Variants in PRUNE2 observed in about 807,000 individuals in gnomAD.
The protein encoded by PRUNE2 is prune homolog 2 with BCH domain.
PRUNE2 carries 164 observed loss-of-function variants against 252.0 expected under a neutral mutation model. That is an observed-to-expected ratio of 0.65 (90% CI 0.57 to 0.74). The LOEUF is 0.74. Ranked by LOEUF, PRUNE2 falls within the 30% of genes least tolerant of loss-of-function variation. The pLI, the probability that PRUNE2 is intolerant of heterozygous loss-of-function variation, is 0.00. For missense variants in PRUNE2, 3,495 were observed against 3,711.0 expected, an observed-to-expected ratio of 0.94 and a Z score of 1.51; for synonymous variants, 1,292 against 1,350.2, an observed-to-expected ratio of 0.96 and a Z score of 0.94.
intron 5 of PRUNE2, among the ~76,000 whole-genome samples, chr9:76,826,310 C>T (rs1461928733): frequency 6.6e-6 from 1 of 152,142 alleles, no homozygotes; most frequent in Admixed American, 6.5e-5. Flanking sequence ...CCTGCCTCTA[C>T]TAAAAATGCC....
rs58726178 is a variant in PRUNE2 at position 76,615,769 on chromosome 9, G to GTTTTTTTTT, written c.9237-1178_9237-1170dup. 4.4e-4 allele frequency among the ~76,000 whole-genome samples: 41 copies of GTTTTTTTTT among 93,962 alleles called. 2 individuals carry two copies. The highest frequency in any genetic ancestry group is 5.6e-4 in the Non-Finnish European group (29 of 51,418). The allele number at this position is 93,962 out of a possible 152,430, so 61.6% of individuals were successfully genotyped here. A position where few individuals can be genotyped will look rare whatever the true frequency, so the allele number is the denominator to read the frequency against. ...TTTTTGTTGTTGTTTTGTGTGTGTG[G>GTTTTTTTTT]TTTTTTTTTTTTTTTTTTTGAGATG... On this transcript the variant is annotated intron_variant, in intron 18 of 18. Transcript: ENST00000376718.
Position 76,703,712 on chromosome 9 carries a change from ATCCAAC to A in PRUNE2, c.7895_7900del (p.Ser2632_Trp2633del), listed in dbSNP as rs1231457014. Reference sequence around the variant, plus strand: ...ACCAACCTCACTATGGCCCAAGAACATCCAACTCTGGTCTTGTGCAGGGCTTTCAAA... The same window carrying A: ...ACCAACCTCACTATGGCCCAAGAACATCTGGTCTTGTGCAGGGCTTTCAAA... On this transcript the variant is annotated inframe_deletion, in exon 9 of 19. Transcript: ENST00000376718. 1 of 1,613,012 alleles carries A rather than the reference ATCCAAC, an allele frequency of 6.2e-7. No homozygotes were observed. Among genetic ancestry groups the A allele is most frequent in the East Asian group, 2.2e-5 (1 of 44,876 alleles).
chr9:76,783,690 C>T (rs1694858172), intron 6 of PRUNE2: 2 of 152,088 alleles, frequency 1.3e-5, no homozygotes, highest in South Asian at 2.1e-4. Flanking sequence ...CTCAAATGGT[C>T]GTATGTATTT....
At chr9:76,752,712 G>A (rs1314331239) in intron 6 of PRUNE2, among the ~76,000 whole-genome samples, 1 of 152,156 alleles carries the variant, frequency 6.6e-6, no homozygotes, top group African/African-American at 2.4e-5. Context: ...ATTTTGGACA[G>A]GTTAATAATG....
chr9:76,699,587 C>A (rs1417486760), intron 9 of PRUNE2, among the ~76,000 whole-genome samples: 5 of 152,198 alleles, frequency 3.3e-5, no homozygotes, highest in African/African-American at 1.2e-4. Context: ...GCAGAACTCA[C>A]ATTCACGACT....
intron 9 of PRUNE2, among the ~76,000 whole-genome samples, chr9:76,678,869 TC>T (rs1206002347): frequency 6.6e-6 from 1 of 152,016 alleles, no homozygotes; most frequent in African/African-American, 2.4e-5. Flanking sequence ...ATAAAGTCCT[TC>T]CTCCCTTCCT....
intron 9 of PRUNE2, 124 bp downstream of exon 9, chr9:76,703,213 C>T (rs1322250744): frequency 2.4e-5 from 18 of 751,006 alleles, no homozygotes; most frequent in Non-Finnish European, 3.1e-5. Flanking sequence ...GTGTGCCTTG[C>T]ATTCAATATA....
chr9:76,866,733 AG>A (rs2060861873), intron 1 of PRUNE2, among the ~76,000 whole-genome samples: 1 of 113,602 alleles, frequency 8.8e-6, no homozygotes, highest in Non-Finnish European at 1.6e-5. Context: ...GAGGAGAGGA[AG>A]GAAGGAAGTG....
Position 76,640,645 on chromosome 9 carries a change from G to A in PRUNE2, c.8729-2357C>T, listed in dbSNP as rs569234362. Among the ~76,000 whole-genome samples the A allele has an allele frequency of 2.0e-5, 3 of 152,286 alleles. No individual in the cohort carries two copies. The East Asian group carries it at 5.8e-4, about 29-fold the overall frequency. On this transcript the variant is annotated intron_variant, in intron 12 of 18. Transcript: ENST00000376718. ...TTAGAATGCAATATGAAGGAAAATG[G>A]CAGGAGGAGACATATCTTAATACAA...
chr9:76,713,481 T>C lies in PRUNE2; in HGVS notation c.915+82A>G, dbSNP rs12349122. On this transcript the variant is annotated intron_variant, in intron 7 of 18. Transcript: ENST00000376718. ...GGGCTAATTGCTCATGAGCCACCAA[T>C]CTGTTCTGTCTTGCACTGTGTGTTC... 4.0e-3 allele frequency: 4,590 copies of C among 1,142,894 alleles called. 142 individuals are homozygous for C. The African/African-American group carries it at 0.065, about 16-fold the overall frequency. The allele number at this position is 1,142,894 out of a possible 1,614,324, so 70.8% of individuals were successfully genotyped here.
intron 6 of PRUNE2, among the ~76,000 whole-genome samples, chr9:76,819,675 T>C (rs1351924903): frequency 6.6e-6 from 1 of 152,224 alleles, no homozygotes; most frequent in African/African-American, 2.4e-5. Flanking sequence ...AGTCAGTGCA[T>C]GGCTATTGTC....
chr9:76,615,907 T>C (rs981501534), intron 18 of PRUNE2, among the ~76,000 whole-genome samples: 11 of 151,862 alleles, frequency 7.2e-5, no homozygotes, highest in African/African-American at 2.2e-4. Context: ...GTAGCTGGGA[T>C]TACAGGCAGA....
At chr9:76,798,728 C>T (rs558322047) in intron 6 of PRUNE2, among the ~76,000 whole-genome samples, 1 of 152,148 alleles carries the variant, frequency 6.6e-6, no homozygotes, top group African/African-American at 2.4e-5. Flanking sequence ...ACAAGCCTCC[C>T]CCATCTTCTC....
Position 76,774,450 on chromosome 9 carries a change from C to CTT in PRUNE2, c.756+49180_756+49181dup, listed in dbSNP as rs869289049. ...ATCGTTCCTGGCCTCCAGTTCAACC[C>CTT]TTTTTTTTTTTTTTTTTTTTTTTTT... On this transcript the variant is annotated intron_variant, in intron 6 of 18. Transcript: ENST00000376718. Among the ~76,000 whole-genome samples, 380 of 41,332 alleles carry CTT rather than the reference C, an allele frequency of 9.2e-3. 27 individuals carry two copies. Among genetic ancestry groups the CTT allele is most frequent in the East Asian group, 0.016 (16 of 970 alleles). 27.1% of individuals were successfully genotyped at this position (41,332 alleles called of 152,430 possible).
Position 76,705,407 on chromosome 9 carries a change from G to A in PRUNE2, c.6867C>T (p.Asp2289=). The change falls in exon 8 of 19, where the codon GAC becomes GAT. Residue 2289 remains aspartate (D), a synonymous_variant. Coordinates refer to ENST00000376718, the MANE Select transcript of PRUNE2 (RefSeq NM_015225.3). ...ALVPDALLAS[D]TCLDISEAAF... ...CAGCTTCGCTTATATCCAGACAAGT[G>A]TCTGAGGCTAGCAAAGCATCAGGAA... The A allele has an allele frequency of 1.9e-6, 3 of 1,613,980 alleles. No individual in the cohort carries two copies. Among genetic ancestry groups the A allele is most frequent in the Non-Finnish European group, 2.5e-6 (3 of 1,179,874 alleles).
At chr9:76,830,535 C>T (rs1337145946) in intron 4 of PRUNE2, among the ~76,000 whole-genome samples, 2 of 151,702 alleles carry the variant, frequency 1.3e-5, no homozygotes, top group African/African-American at 4.8e-5. Context: ...GCCTGCAATC[C>T]CAGCTACTCT....
intron 6 of PRUNE2, among the ~76,000 whole-genome samples, chr9:76,782,130 CATGA>C (rs2054481284): frequency 1.3e-5 from 2 of 152,194 alleles, no homozygotes; most frequent in South Asian, 4.1e-4. Flanking sequence ...AGGAGAATGG[CATGA>C]ACCCGGGAGG....
chr9:76,757,762 C>T (rs2051290487), intron 6 of PRUNE2, among the ~76,000 whole-genome samples: 1 of 150,884 alleles, frequency 6.6e-6, no homozygotes, highest in Non-Finnish European at 1.5e-5. Flanking sequence ...GCCTGGGTAA[C>T]ATGGAGAAAT....
At chr9:76,768,537 G>A (rs905145094) in intron 6 of PRUNE2, among the ~76,000 whole-genome samples, 11 of 151,020 alleles carry the variant, frequency 7.3e-5, no homozygotes, top group Admixed American at 2.0e-4. Context: ...CACCTAGAAC[G>A]TTCTCTGGGT....
Sources: allele counts gnomAD v4.1 joint callset (sites outside exome capture counted in the v4.1 genomes callset), GRCh38; gene constraint gnomAD v4.1.1; transcripts MANE v1.5; gene names NCBI Gene and HGNC (gene_info 2026-07-23, HGNC 2026-07-21).